The following ERGIC3 variants were observed in gnomAD, a reference collection of about 807,000 sequenced individuals.
ERGIC3 encodes ERGIC and golgi 3.
In ERGIC3, 33 loss-of-function variants were observed where a neutral mutation model predicts 54.7. The observed-to-expected ratio is 0.60, with a 90% CI of 0.46 to 0.81. ERGIC3 has a LOEUF of 0.81. Ranked by LOEUF, ERGIC3 falls within the 30% of genes least tolerant of loss-of-function variation. ERGIC3 has a pLI of 0.00. For missense variants in ERGIC3, 399 were observed against 488.4 expected, an observed-to-expected ratio of 0.82 and a Z score of 1.73; for synonymous variants, 186 against 189.8, an observed-to-expected ratio of 0.98 and a Z score of 0.16.
chr20:35,549,418 C>T (rs1331925482), intron 7 of ERGIC3: 1 of 357,450 alleles, frequency 2.8e-6, no homozygotes, highest in Non-Finnish European at 5.6e-6. Context: ...GAGATTTATT[C>T]TCATTCATTT....
intron 7 of ERGIC3, chr20:35,554,357 T>C (rs1401365863): frequency 6.2e-7 from 1 of 1,614,014 alleles, no homozygotes; most frequent in South Asian, 1.1e-5. Context: ...CTCTCCTCCC[T>C]CCCCCATGCT....
intron 7 of ERGIC3, 69 bp downstream of exon 7, chr20:35,548,934 C>T (rs1366788412): frequency 6.4e-7 from 1 of 1,554,354 alleles, no homozygotes; most frequent in Admixed American, 1.7e-5. Flanking sequence ...GAGTGGTCCT[C>T]TTCTGCCTGC....
chr20:35,553,731 TG>T (rs2064695497), intron 7 of ERGIC3, among the ~76,000 whole-genome samples: 1 of 151,992 alleles, frequency 6.6e-6, no homozygotes, highest in Non-Finnish European at 1.5e-5. Context: ...TGGAGGAAGC[TG>T]GGAGAAAAGG....
intron 5 of ERGIC3, 52 bp from the exon 6 acceptor site, chr20:35,548,457 G>T: frequency 6.3e-7 from 1 of 1,590,510 alleles, no homozygotes; most frequent in Non-Finnish European, 8.6e-7. Context: ...CCAGATGCCA[G>T]CACTGGACTT....
intron 7 of ERGIC3, among the ~76,000 whole-genome samples, chr20:35,552,852 G>A (rs2064688409): frequency 6.6e-6 from 1 of 151,982 alleles, no homozygotes; most frequent in Non-Finnish European, 1.5e-5. Flanking sequence ...CATCTACGTG[G>A]ATATGGAAAT....
chr20:35,544,269 T>A (rs1346191773), intron 4 of ERGIC3: 1 of 181,206 alleles, frequency 5.5e-6, no homozygotes, highest in Non-Finnish European at 1.1e-5. Flanking sequence ...TTGGGCCAGA[T>A]GGTCTTGATC....
At position 35,548,860 on chromosome 20, in the gene ERGIC3, T is replaced by G. The variant is rs2064666284; in HGVS notation, c.680T>G (p.Val227Gly). The G allele has an allele frequency of 6.2e-7, 1 of 1,614,106 alleles. No homozygotes were observed. The highest frequency in any genetic ancestry group is 8.5e-7 in the Non-Finnish European group (1 of 1,180,046). Residue 227 changes from valine (V) to glycine (G), a missense_variant, in exon 7 of 13, where the codon GTG becomes GGG. Physicochemically the swap from Val to Gly is moderately radical, Grantham distance 109 (BLOSUM62 -3). Coordinates refer to ENST00000348547, the MANE Select transcript of ERGIC3 (RefSeq NM_015966.3). The part of the protein sequence containing the change: ...APGKSFQQSH[V>G]HVHDLQSFGL... The stretch of plus-strand genomic sequence containing the variant: ...GGGAAGAGCTTCCAGCAGTCCCATG[T>G]GCACGGTGAGTGATCTGCACTAGCT...
chr20:35,543,734 A>G, intron 4 of ERGIC3: 2 of 470,314 alleles, frequency 4.3e-6, no homozygotes, highest in Non-Finnish European at 4.4e-6. Context: ...GAGCAAAGTC[A>G]TGGTTGTTGA....
intron 2 of ERGIC3, 58 bp from the exon 3 acceptor site, chr20:35,542,455 G>A: frequency 1.2e-6 from 2 of 1,613,776 alleles, no homozygotes; most frequent in Non-Finnish European, 8.5e-7. Flanking sequence ...ACCTTTAGGG[G>A]TGGGAGTGGG....
chr20:35,542,755 C>T, intron 3 of ERGIC3, 67 bp from the exon 4 acceptor site: 1 of 1,613,002 alleles, frequency 6.2e-7, no homozygotes, highest in Non-Finnish European at 8.5e-7. Flanking sequence ...TATCCCCTTC[C>T]CCTCCAAAAC....
At chr20:35,550,176 G>A (rs934968417) in intron 7 of ERGIC3, among the ~76,000 whole-genome samples, 2 of 151,926 alleles carry the variant, frequency 1.3e-5, no homozygotes, top group Non-Finnish European at 2.9e-5. Context: ...AGACAGTGAG[G>A]GAGCCAGCCA....
rs753917403 is a variant in ERGIC3, at chr20:35,557,445, C to CTCA, written c.1096_1098dup (p.Ile366dup). Reference sequence around the variant, plus strand: ...CCCAGTGGCTGGACTCATCGATTCGCTCATCTACCACTCAGCACGAGCCAT... The same window carrying CTCA: ...CCCAGTGGCTGGACTCATCGATTCGCTCATCATCTACCACTCAGCACGAGCCAT... On this transcript the variant is annotated inframe_insertion, in exon 13 of 13. Transcript: ENST00000348547. The CTCA allele has an allele frequency of 1.5e-5, 25 of 1,614,022 alleles. No homozygotes were observed. Among genetic ancestry groups the CTCA allele is most frequent in the Non-Finnish European group, 2.1e-5 (25 of 1,180,026 alleles).
chr20:35,553,494 A>G (rs2064694025), intron 7 of ERGIC3, among the ~76,000 whole-genome samples: 2 of 151,958 alleles, frequency 1.3e-5, no homozygotes, highest in South Asian at 4.1e-4. Context: ...AGGGTTGGGG[A>G]AGGTGGGAGT....
chr20:35,557,043 G>A lies in ERGIC3; in HGVS notation c.950G>A (p.Gly317Asp), dbSNP rs2064717653. The A allele has an allele frequency of 1.9e-6, 3 of 1,614,244 alleles. No individual in the cohort carries two copies. The highest frequency in any genetic ancestry group is 2.5e-6 in the Non-Finnish European group (3 of 1,180,034). ...GCCAATGGGCTGTTGGGCGACCAAG[G>A]CCTTCCCGGAGTCTTCGTCCTCTAT... is the stretch of plus-strand genomic sequence containing the variant. ...KVANGLLGDQ[G>D]LPGVFVLYEL... The change falls in exon 11 of 13, where the codon GGC becomes GAC. Residue 317 changes from glycine (G) to aspartate (D), a missense_variant. Gly to Asp is a moderately conservative substitution (Grantham distance 94). Coordinates refer to ENST00000348547, the MANE Select transcript of ERGIC3 (RefSeq NM_015966.3).
chr20:35,549,119 T>A (rs1221267169), intron 7 of ERGIC3: 1 of 535,188 alleles, frequency 1.9e-6, no homozygotes, highest in South Asian at 1.6e-5. Flanking sequence ...TTTTGACTCC[T>A]GTTTTCTACT....
chr20:35,544,013 ACTATCTATCTATCTATCTAT>A lies in ERGIC3; in HGVS notation c.367+1103_367+1122del, dbSNP rs11468676. The A allele has an allele frequency of 1.1e-3, 206 of 187,878 alleles. 2 individuals are homozygous for A. Among genetic ancestry groups the A allele is most frequent in the African/African-American group, 2.0e-3 (80 of 40,330 alleles). The allele number at this position is 187,878 out of a possible 1,614,324, so 11.6% of individuals were successfully genotyped here. On this transcript the variant is annotated intron_variant, in intron 4 of 12. Coordinates refer to ENST00000348547, the MANE Select transcript of ERGIC3 (RefSeq NM_015966.3). ...GGATTGATGGGGCACTGAAGAATCT[ACTATCTATCTATCTATCTAT>A]CTATCTATCTATCTATCTATCTATC... is the stretch of plus-strand genomic sequence containing the variant.
In ERGIC3 at chr20:35,557,473, A is replaced by G; in HGVS notation, c.1121A>G (p.Gln374Arg). 6.2e-7 allele frequency: 1 copy of G among 1,614,142 alleles called. No individual in the cohort carries two copies. Among genetic ancestry groups the G allele is most frequent in the Non-Finnish European group, 8.5e-7 (1 of 1,180,014 alleles). ...SLIYHSARAI[Q>R]KKIDLGKTT ...ATCTACCACTCAGCACGAGCCATCC[A>G]GAAGAAAATTGATCTAGGGAAGACA... Residue 374 changes from glutamine (Q) to arginine (R), a missense_variant, in exon 13 of 13, where the codon CAG (glutamine) becomes CGG (arginine). Gln to Arg is a conservative substitution (Grantham distance 43, BLOSUM62 1). Coordinates refer to ENST00000348547, the MANE Select transcript of ERGIC3 (RefSeq NM_015966.3).
At chr20:35,553,674 G>A (rs886254047) in intron 7 of ERGIC3, among the ~76,000 whole-genome samples, 1 of 152,116 alleles carries the variant, frequency 6.6e-6, no homozygotes, top group Non-Finnish European at 1.5e-5. Flanking sequence ...AGGGGCCAGT[G>A]TGGGGGCTGG....
intron 4 of ERGIC3, chr20:35,545,203 A>G (rs147284569): frequency 1.8e-3 from 274 of 152,380 alleles, no homozygotes; most frequent in Middle Eastern, 3.4e-3. Context: ...GTGTCCTTGT[A>G]TCACGGCAAC....
Sources: allele counts gnomAD v4.1 joint callset (sites outside exome capture counted in the v4.1 genomes callset), GRCh38; gene constraint gnomAD v4.1.1; transcripts MANE v1.5; gene names NCBI Gene and HGNC (gene_info 2026-07-23, HGNC 2026-07-21).